IGFN1: variants seen among roughly 807,000 people sequenced by gnomAD.
IGFN1 encodes immunoglobulin-like and fibronectin type III domain-containing protein 1.
Under a neutral mutation model 289.5 loss-of-function variants are expected in IGFN1, and 253 were observed. That is an observed-to-expected ratio of 0.87 (90% CI 0.79 to 0.97). The LOEUF is 0.97. Ranked by LOEUF, IGFN1 falls within the 50% of genes least tolerant of loss-of-function variation. The probability of loss-of-function intolerance (pLI) is 0.00; values close to 1 mark genes in which losing one functional copy is unlikely to be tolerated. For synonymous variants in IGFN1, 1,706 were observed against 1,788.5 expected (o/e 0.95, Z 1.16); for missense variants, 4,470 against 4,686.1 (o/e 0.95, Z 1.35).
At position 201,211,894 on chromosome 1, in the gene IGFN1, C is replaced by G. The variant is rs1287544059; in HGVS notation, c.7001C>G (p.Ser2334Ter). 6.5e-7 allele frequency: 1 copy of G among 1,529,782 alleles called. No homozygotes were observed. 94.8% of individuals were successfully genotyped at this position (1,529,782 alleles called of 1,614,324 possible). A position where few individuals can be genotyped will look rare whatever the true frequency, so the allele number is the denominator to read the frequency against. The change falls in exon 12 of 24, where the codon TCA becomes TGA. Residue 2334 changes from serine (S) to a stop codon, truncating the protein, a stop_gained. Transcript: ENST00000335211. LOFTEE classifies it high-confidence loss of function. ...QGFGGTSGMG[S>*]GSEVSYRGGS... is the part of the protein sequence containing the mutation. ...TTTGGGGGAACTAGTGGCATGGGGT[C>G]AGGGAGTGAGGTCAGTTATAGAGGA...
At chr1:201,218,340 A>G (rs1313515746) in intron 17 of IGFN1, among the ~76,000 whole-genome samples, 190 bp from the exon 18 acceptor site, 1 of 152,260 alleles carries the variant, frequency 6.6e-6, no homozygotes, top group Non-Finnish European at 1.5e-5. Context: ...GACAGGGATC[A>G]GAGGCTCCTG....
chr1:201,216,676 C>A lies in IGFN1; in HGVS notation c.9518C>A (p.Thr3173Asn). The change falls in exon 16 of 24, where the codon ACC (threonine) becomes AAC (asparagine). Residue 3173 changes from threonine to asparagine, a missense_variant. Thr to Asn is a moderately conservative substitution (Grantham distance 65). Around this residue, in one of 8 missense-constraint regions of IGFN1, gnomAD observed 2,218 missense variants for 2,114.1 expected, o/e 1.05. Coordinates refer to ENST00000335211, the MANE Select transcript of IGFN1 (RefSeq NM_001164586.2). The part of the protein sequence containing the change: ...DAHVEPGRKY[T>N]FRVRAVTSEG... ...CATGTGGAGCCAGGCAGGAAGTATA[C>A]CTTCCGAGTGCGGGCTGTGACCTCA... 3 of 1,613,986 alleles carry A rather than the reference C, an allele frequency of 1.9e-6. No homozygotes were observed. Among genetic ancestry groups the A allele is most frequent in the South Asian group, 1.1e-5 (1 of 91,076 alleles).
chr1:201,206,863 G>A lies in IGFN1; in HGVS notation c.1970G>A (p.Gly657Asp), dbSNP rs1302354067. 6.5e-7 allele frequency: 1 copy of A among 1,536,492 alleles called. No individual in the cohort carries two copies. Among genetic ancestry groups the A allele is most frequent in the South Asian group, 1.2e-5 (1 of 83,974 alleles). Residue 657 changes from glycine to aspartate, a missense_variant, in exon 12 of 24, where the codon GGT (glycine) becomes GAT (aspartate). This residue lies in a region of IGFN1 where 2,011 missense variants were observed against 1,953.4 expected (regional missense o/e 1.03). Coordinates refer to ENST00000335211, the MANE Select transcript of IGFN1 (RefSeq NM_001164586.2). ...GGGAGAGGAATAGTAGTGTGGGGTG[G>A]TGGGACTGGCCTGGGAGAAGCTGGA... ...ERGRGIVVWG[G>D]GTGLGEAGDS... is the part of the protein sequence containing the mutation.
rs547040694 is a variant in IGFN1 at position 201,214,098 on chromosome 1, C to T, written c.8729-79C>T. ...CACCAGCCAAGCCCAGTTGGCAGGA[C>T]CATGGTGGCCTTGCGGGGCACAGCG... On this transcript the variant is annotated intron_variant, in intron 12 of 23. Coordinates refer to ENST00000335211, the MANE Select transcript of IGFN1 (RefSeq NM_001164586.2). 60 of 1,427,096 alleles carry T rather than the reference C, an allele frequency of 4.2e-5. No homozygotes were observed. In the South Asian group the frequency reaches 8.5e-4, roughly 20 times the overall value. The allele number at this position is 1,427,096 out of a possible 1,614,324, so 88.4% of individuals were successfully genotyped here.
intron 13 of IGFN1, among the ~76,000 whole-genome samples, chr1:201,214,771 C>T (rs1653093446): frequency 6.6e-6 from 1 of 152,208 alleles, no homozygotes; most frequent in Non-Finnish European, 1.5e-5. Flanking sequence ...AGACTTCAAG[C>T]AAGCTGGCAA....
rs559032707 is a variant in IGFN1, at chr1:201,201,058, C to T, written c.633+647C>T. Among the ~76,000 whole-genome samples, 10 of 152,164 alleles carry T rather than the reference C, an allele frequency of 6.6e-5. No individual in the cohort carries two copies. In the South Asian group the frequency reaches 1.9e-3, roughly 28 times the overall value. On this transcript the variant is annotated intron_variant, in intron 8 of 23. Transcript: ENST00000335211. ...GTGTTAGCCAGGATGATCTCGATCTCCTGACCTCGTGATCCGCCTGCCTCG... is the reference window on the plus strand; with the variant it reads ...GTGTTAGCCAGGATGATCTCGATCTTCTGACCTCGTGATCCGCCTGCCTCG...
intron 8 of IGFN1, among the ~76,000 whole-genome samples, chr1:201,200,830 TTC>T (rs201464078): frequency 0.09 from 11,627 of 128,960 alleles, 620 homozygotes; most frequent in South Asian, 0.15. Flanking sequence ...GTTTATTTCT[TTC>T]TTTTTTTTTT....
Position 201,215,817 on chromosome 1 carries a change from G to A in IGFN1, c.9274G>A (p.Glu3092Lys), listed in dbSNP as rs768991419. 24 of 1,597,578 alleles carry A rather than the reference G, an allele frequency of 1.5e-5. No individual in the cohort carries two copies. Among genetic ancestry groups the A allele is most frequent in the Middle Eastern group, 1.7e-4 (1 of 6,024 alleles). Residue 3092 changes from glutamate to lysine, a missense_variant, in exon 15 of 24, where the codon GAG becomes AAG. Glu to Lys is a moderately conservative substitution (Grantham distance 56). This residue lies in a region of IGFN1 where 2,218 missense variants were observed against 2,114.1 expected (regional missense o/e 1.05). Coordinates refer to ENST00000335211, the MANE Select transcript of IGFN1 (RefSeq NM_001164586.2). ...GAGTGAGGGAGGCTCTGTGCAGGCC[G>A]AGCTCACTCTGCAAGTCATAGGTAC... ...LRSEGGSVQA[E>K]LTLQVIDKPD...
At chr1:201,200,532 C>G (rs540318145) in intron 8 of IGFN1, 121 bp downstream of exon 8, 1 of 782,446 alleles carries the variant, frequency 1.3e-6, no homozygotes, top group Non-Finnish European at 2.1e-6. Flanking sequence ...GATCAAGGGG[C>G]CTGTCTCCAT....
chr1:201,217,226 C>A, intron 16 of IGFN1, 61 bp from the exon 17 acceptor site: 2 of 1,499,904 alleles, frequency 1.3e-6, no homozygotes, highest in Non-Finnish European at 1.8e-6. Context: ...CCCCCAGGGG[C>A]TCCCCATGAG....
chr1:201,215,104 A>G lies in IGFN1; in HGVS notation c.8945A>G (p.Tyr2982Cys), dbSNP rs1653131017. 4 of 1,613,892 alleles carry G rather than the reference A, an allele frequency of 2.5e-6. No homozygotes were observed. The highest frequency in any genetic ancestry group is 3.4e-6 in the Non-Finnish European group (4 of 1,180,032). Residue 2982 changes from tyrosine (Y) to cysteine (C), a missense_variant, in exon 14 of 24, where the codon TAC becomes TGC. Around this residue, in one of 8 missense-constraint regions of IGFN1, gnomAD observed 2,218 missense variants for 2,114.1 expected, o/e 1.05. Coordinates refer to ENST00000335211, the MANE Select transcript of IGFN1 (RefSeq NM_001164586.2). ...THVQGTQAGR[Y>C]TFVAGDQQSE... Reference sequence around the variant, plus strand: ...GTGCAGGGGACCCAAGCTGGGAGGTACACCTTTGTAGCTGGTGACCAGCAG... The same window carrying G: ...GTGCAGGGGACCCAAGCTGGGAGGTGCACCTTTGTAGCTGGTGACCAGCAG...
Position 201,212,211 on chromosome 1 carries a change from G to C in IGFN1, c.7318G>C (p.Asp2440His). Residue 2440 changes from aspartate to histidine, a missense_variant, in exon 12 of 24, where the codon GAC (aspartate) becomes CAC (histidine). Coordinates refer to ENST00000335211, the MANE Select transcript of IGFN1 (RefSeq NM_001164586.2). ...PGTAGGMAHR[D>H]SLRGTGVLGS... ...CACTGCAGGTGGCATGGCACACAGA[G>C]ACAGCCTCAGGGGCACAGGGGTGCT... The C allele has an allele frequency of 6.5e-7, 1 of 1,534,748 alleles. No homozygotes were observed. The highest frequency in any genetic ancestry group is 8.7e-7 in the Non-Finnish European group (1 of 1,145,814).
chr1:201,218,431 AC>A, intron 17 of IGFN1, 98 bp from the exon 18 acceptor site: 1 of 1,180,944 alleles, frequency 8.5e-7, no homozygotes, highest in Non-Finnish European at 1.2e-6. Flanking sequence ...ATGTGTTAGG[AC>A]CCCAGGCTTG....
At position 201,205,143 on chromosome 1, in the gene IGFN1, A is replaced by C. The variant is rs1354859979; in HGVS notation, c.978A>C (p.Ala326=). ...AETHCEEQGD[A]VFECTLSSPC... is the part of the protein sequence containing the mutation. The stretch of plus-strand genomic sequence containing the variant: ...CCCACTGTGAGGAGCAGGGTGACGC[A>C]GTCTTTGAATGTACCCTCTCCAGCC... Residue 326 remains alanine (A), a synonymous_variant, in exon 11 of 24, where the codon GCA becomes GCC. Coordinates refer to ENST00000335211, the MANE Select transcript of IGFN1 (RefSeq NM_001164586.2). 6.4e-7 allele frequency: 1 copy of C among 1,551,012 alleles called. No homozygotes were observed. Among genetic ancestry groups the C allele is most frequent in the Non-Finnish European group, 8.7e-7 (1 of 1,146,982 alleles).
intron 18 of IGFN1, 60 bp downstream of exon 18, chr1:201,218,718 G>A: frequency 1.3e-6 from 2 of 1,535,436 alleles, no homozygotes; most frequent in African/African-American, 1.4e-5. Flanking sequence ...CCCTGAAGCT[G>A]GGTGGGACTT....
chr1:201,218,615 G>T lies in IGFN1; in HGVS notation c.9855G>T (p.Glu3285Asp), dbSNP rs745873771. Residue 3285 changes from glutamate to aspartate, a missense_variant, in exon 18 of 24, where the codon GAG (glutamate) becomes GAT (aspartate). Glu to Asp is a conservative substitution (Grantham distance 45). This residue lies in a region of IGFN1 where 2,218 missense variants were observed against 2,114.1 expected (regional missense o/e 1.05). Transcript: ENST00000335211. The stretch of plus-strand genomic sequence containing the variant: ...CTGTGGCTCCCTCAGGTCCCGGAGA[G>T]CCTGGACCTCCATCGGATGCTGTCT... ...VTAVAPSGPG[E>D]PGPPSDAVFA... 3.7e-6 allele frequency: 6 copies of T among 1,612,002 alleles called. No individual in the cohort carries two copies. The South Asian group carries it at 5.5e-5, about 15-fold the overall frequency.
rs1310689397 is a variant in IGFN1 at position 201,226,016 on chromosome 1, G to A, written c.10679G>A (p.Gly3560Asp). The A allele has an allele frequency of 1.3e-6, 2 of 1,580,942 alleles. No homozygotes were observed. The highest frequency in any genetic ancestry group is 1.7e-6 in the Non-Finnish European group (2 of 1,160,906). ...CACACCAACCGCTTCACCCTCCTGG[G>A]CATCCTCCCCGGCCACGAATACCAC... is the stretch of plus-strand genomic sequence containing the variant. ...RIHTNRFTLL[G>D]ILPGHEYHFR... The change falls in exon 22 of 24, where the codon GGC becomes GAC. Residue 3560 changes from glycine to aspartate, a missense_variant. By Grantham distance (94) the Gly-to-Asp change is moderately conservative. Transcript: ENST00000335211.
Position 201,209,312 on chromosome 1 carries a change from G to T in IGFN1, c.4419G>T (p.Gly1473=). The T allele has an allele frequency of 6.7e-7, 1 of 1,483,596 alleles. No homozygotes were observed. Among genetic ancestry groups the T allele is most frequent in the African/African-American group, 1.4e-5 (1 of 70,828 alleles). 91.9% of individuals were successfully genotyped at this position (1,483,596 alleles called of 1,614,324 possible). ...NLGAPERMDS[G]SKAGYRGGLR... is the part of the protein sequence containing the mutation. ...GAGCTCCTGAGAGAATGGATTCAGGGAGCAAGGCAGGTTACAGGGGTGGTT... is the reference window on the plus strand; with the variant it reads ...GAGCTCCTGAGAGAATGGATTCAGGTAGCAAGGCAGGTTACAGGGGTGGTT... Residue 1473 remains glycine, a synonymous_variant, in exon 12 of 24, where the codon GGG becomes GGT. Transcript: ENST00000335211.
In IGFN1 at chr1:201,226,938, C is replaced by G; in HGVS notation, c.10843C>G (p.Arg3615Gly). 6.2e-7 allele frequency: 1 copy of G among 1,611,226 alleles called. No individual in the cohort carries two copies. Among genetic ancestry groups the G allele is most frequent in the Non-Finnish European group, 8.5e-7 (1 of 1,178,734 alleles). The change falls in exon 23 of 24, where the codon CGG becomes GGG. Residue 3615 changes from arginine to glycine, a missense_variant. This residue lies in a region of IGFN1 where 2,218 missense variants were observed against 2,114.1 expected (regional missense o/e 1.05). Coordinates refer to ENST00000335211, the MANE Select transcript of IGFN1 (RefSeq NM_001164586.2). ...GGAGCCCGACCTGAGCCAGAAGCCC[C>G]GGTTCCTGGTGGGCCTGCGGTCCCA... ...YREPDLSQKP[R>G]FLVGLRSHLL...
Sources: gnomAD v4.1 joint callset for allele counts (sites outside exome capture counted in the v4.1 genomes callset) on GRCh38, gnomAD v4.1.1 for gene constraint, gnomAD v4.1.1 regional missense constraint, MANE v1.5 for transcripts, NCBI Gene and HGNC (gene_info 2026-07-23, HGNC 2026-07-21) for gene names.